ADGRV1: variants seen among roughly 807,000 people sequenced by gnomAD.
ADGRV1 encodes the protein adhesion G protein-coupled receptor V1.
In ADGRV1, 359 loss-of-function variants were observed where a neutral mutation model predicts 596.2. That is an observed-to-expected ratio of 0.60 (90% CI 0.55 to 0.66). The LOEUF (loss-of-function observed/expected upper bound fraction) is 0.66. Among genes scored for constraint, ADGRV1 ranks in the 30% least tolerant of loss-of-function variants. The pLI is 0.00. For missense variants in ADGRV1, 7,274 were observed against 7,575.6 expected (o/e 0.96, Z 1.48); for synonymous variants, 2,681 against 2,679.2 (o/e 1.00, Z -0.02).
intron 87 of ADGRV1, among the ~76,000 whole-genome samples, chr5:91,113,320 A>T (rs1792545818): frequency 6.6e-6 from 1 of 152,220 alleles, no homozygotes; most frequent in East Asian, 1.9e-4. Context: ...AAATGAAAAA[A>T]GCAAACACTG....
intron 50 of ADGRV1, among the ~76,000 whole-genome samples, chr5:90,741,929 ATGACT>A (rs1331984502): frequency 2.2e-4 from 33 of 152,342 alleles, no homozygotes; most frequent in African/African-American, 7.7e-4. Context: ...ATTCTGGTTA[ATGACT>A]TGACAGAGAT....
chr5:90,764,780 A>T (rs62373981), intron 59 of ADGRV1, among the ~76,000 whole-genome samples: 11,155 of 152,146 alleles, frequency 0.073, 676 homozygotes, highest in East Asian at 0.34. Flanking sequence ...GAGCAGAGAG[A>T]TCTCAGGCAG....
At chr5:90,566,224 A>C (rs1162518400) in intron 1 of ADGRV1, among the ~76,000 whole-genome samples, 2 of 152,158 alleles carry the variant, frequency 1.3e-5, no homozygotes, top group East Asian at 3.8e-4. Context: ...TGTCACAGCT[A>C]AACAACTGTT....
intron 1 of ADGRV1, among the ~76,000 whole-genome samples, chr5:90,565,188 A>G (rs111611999): frequency 0.063 from 9,583 of 152,096 alleles, 883 homozygotes; most frequent in African/African-American, 0.21. Flanking sequence ...AGTGAGCTGA[A>G]ATCCCGCCAC....
At chr5:90,997,180 T>G (rs1465187178) in intron 85 of ADGRV1, among the ~76,000 whole-genome samples, 1 of 152,096 alleles carries the variant, frequency 6.6e-6, no homozygotes, top group Non-Finnish European at 1.5e-5. Context: ...TAGTATGATA[T>G]AGTTTGGTTA....
intron 83 of ADGRV1, among the ~76,000 whole-genome samples, chr5:90,906,157 A>G (rs1173290188): frequency 6.6e-6 from 1 of 151,980 alleles, no homozygotes; most frequent in Admixed American, 6.6e-5. Context: ...TTTTTTCATT[A>G]ATATTTGTTG....
chr5:90,871,861 GA>G (rs1179052040), intron 83 of ADGRV1, among the ~76,000 whole-genome samples: 1 of 152,032 alleles, frequency 6.6e-6, no homozygotes, highest in East Asian at 1.9e-4. Context: ...AACTACAGTG[GA>G]AAAAAAATCA....
At chr5:90,946,000 A>C (rs2150883987) in intron 83 of ADGRV1, among the ~76,000 whole-genome samples, 1 of 152,062 alleles carries the variant, frequency 6.6e-6, no homozygotes, top group Non-Finnish European at 1.5e-5. Flanking sequence ...GAAGGGAAGG[A>C]GGGAGGGAGG....
intron 86 of ADGRV1, among the ~76,000 whole-genome samples, chr5:91,095,435 T>C (rs1438649439): frequency 7.9e-5 from 12 of 152,160 alleles, no homozygotes; most frequent in Non-Finnish European, 1.8e-4. Flanking sequence ...TTAACTTTGT[T>C]GTTCACTCTC....
intron 1 of ADGRV1, among the ~76,000 whole-genome samples, chr5:90,600,803 C>G (rs1259333365): frequency 6.6e-6 from 1 of 151,602 alleles, no homozygotes; most frequent in East Asian, 1.9e-4. Flanking sequence ...CATTTTGTGT[C>G]AAAAGTAATA....
chr5:91,142,167 G>A, intron 87 of ADGRV1, among the ~76,000 whole-genome samples: 1 of 152,158 alleles, frequency 6.6e-6, no homozygotes, highest in South Asian at 2.1e-4. Flanking sequence ...ACCCATGACT[G>A]TCTCTACCCC....
chr5:90,979,098 G>A (rs1188571335), intron 84 of ADGRV1, among the ~76,000 whole-genome samples: 2 of 151,002 alleles, frequency 1.3e-5, no homozygotes, highest in Non-Finnish European at 2.9e-5. Context: ...TTTAAAGTGA[G>A]TGGTGAAAAA....
At chr5:90,936,359 T>G (rs1775687595) in intron 83 of ADGRV1, among the ~76,000 whole-genome samples, 1 of 152,134 alleles carries the variant, frequency 6.6e-6, no homozygotes, top group Non-Finnish European at 1.5e-5. Context: ...ATCTATTACT[T>G]TCAAATTTGT....
chr5:90,707,314 A>G (rs6869935), intron 38 of ADGRV1, among the ~76,000 whole-genome samples: 21,210 of 152,162 alleles, frequency 0.14, 1,614 homozygotes, highest in South Asian at 0.2. Context: ...CGGAGGGAGT[A>G]GGAGATAGTG....
Position 90,991,424 on chromosome 5 carries a change from T to A in ADGRV1, c.18152+5902T>A, listed in dbSNP as rs533191450. Among the ~76,000 whole-genome samples the A allele has an allele frequency of 3.3e-5, 5 of 152,160 alleles. No individual in the cohort carries two copies. In the South Asian group the frequency reaches 6.2e-4, roughly 19 times the overall value. On this transcript the variant is annotated intron_variant, in intron 85 of 89. Transcript: ENST00000405460. ...TAACTTCATAACTTAATTTTAAAAT[T>A]GATTACTGTTTTTTAGTTTTTTTGT...
At chr5:91,075,516 A>C (rs1788775371) in intron 86 of ADGRV1, among the ~76,000 whole-genome samples, 1 of 152,192 alleles carries the variant, frequency 6.6e-6, no homozygotes, top group Non-Finnish European at 1.5e-5. Flanking sequence ...AAGTTCCAGC[A>C]CAGTTGTATC....
intron 86 of ADGRV1, 138 bp from the exon 87 acceptor site, chr5:91,102,081 G>A: frequency 1.3e-6 from 1 of 751,334 alleles, no homozygotes; most frequent in Non-Finnish European, 2.1e-6. Context: ...TCTCCCCTCT[G>A]GCATAAGAAT....
intron 31 of ADGRV1, among the ~76,000 whole-genome samples, 178 bp from the exon 32 acceptor site, chr5:90,692,427 T>C (rs1746597088): frequency 6.6e-6 from 1 of 152,214 alleles, no homozygotes; most frequent in Admixed American, 6.5e-5. Flanking sequence ...TGATGATGGG[T>C]TATTCTGTTA....
chr5:91,035,861 T>TATATATATATATAATATATATAATATA, intron 85 of ADGRV1, among the ~76,000 whole-genome samples: 7 of 96,402 alleles, frequency 7.3e-5, no homozygotes, highest in African/African-American at 1.5e-4. Context: ...TATATATATA[T>TATATATATATATAATATATATAATATA]TATATATATA....
Sources: allele counts gnomAD v4.1 joint callset (sites outside exome capture counted in the v4.1 genomes callset), GRCh38; gene constraint gnomAD v4.1.1; transcripts MANE v1.5; gene names NCBI Gene and HGNC (gene_info 2026-07-23, HGNC 2026-07-21).